Variants in OS9 observed in about 807,000 individuals in gnomAD.
OS9 encodes the protein OS9 endoplasmic reticulum lectin.
A neutral mutation model predicts 84.7 loss-of-function variants in OS9; 58 were observed. The observed-to-expected ratio is 0.68, with a 90% CI of 0.55 to 0.85. The LOEUF (loss-of-function observed/expected upper bound fraction) is 0.85. OS9 is among the 40% of genes least tolerant of loss of function. The pLI is 0.00. For missense variants in OS9, 760 were observed against 850.9 expected, an observed-to-expected ratio of 0.89 and a Z score of 1.33; for synonymous variants, 278 against 320.8, an observed-to-expected ratio of 0.87 and a Z score of 1.43.
At chr12:57,716,272 G>T (rs1334676969) in intron 7 of OS9, 79 bp downstream of exon 7, 23 of 763,790 alleles carry the variant, frequency 3.0e-5, no homozygotes, top group Non-Finnish European at 3.9e-5. Flanking sequence ...CTGACTGACT[G>T]GTGGGGTGGG....
chr12:57,715,061 A>G (rs942919129), intron 5 of OS9, among the ~76,000 whole-genome samples: 1 of 152,068 alleles, frequency 6.6e-6, no homozygotes. Context: ...ACAAATATAT[A>G]TACACTTTAA....
intron 5 of OS9, among the ~76,000 whole-genome samples, chr12:57,707,838 C>G (rs893420014): frequency 1.3e-5 from 2 of 151,810 alleles, no homozygotes; most frequent in Non-Finnish European, 2.9e-5. Flanking sequence ...GCCCTATAAT[C>G]CTAGCATTTT....
chr12:57,696,093 C>T (rs1197392773), intron 4 of OS9, 55 bp downstream of exon 4: 1 of 1,408,962 alleles, frequency 7.1e-7, no homozygotes, highest in Non-Finnish European at 1.0e-6. Context: ...GCTGAGAGCC[C>T]TGACAAGAAG....
At chr12:57,708,592 C>T (rs977677426) in intron 5 of OS9, among the ~76,000 whole-genome samples, 1 of 150,982 alleles carries the variant, frequency 6.6e-6, no homozygotes, top group East Asian at 1.9e-4. Flanking sequence ...CATACCATTG[C>T]ACTCCAGCCT....
chr12:57,703,762 ATT>A (rs34277509), intron 5 of OS9, among the ~76,000 whole-genome samples: 11,942 of 150,504 alleles, frequency 0.079, 518 homozygotes, highest in Non-Finnish European at 0.1. Context: ...GAATTTTAAG[ATT>A]TTTTTTTTTC....
At chr12:57,694,719 C>A in intron 1 of OS9, 31 bp from the exon 2 acceptor site, 1 of 1,610,594 alleles carries the variant, frequency 6.2e-7, no homozygotes, top group South Asian at 1.1e-5. Context: ...TTCTTTGCTT[C>A]CTTGCCCCCC....
In OS9 at chr12:57,721,184, T is replaced by C; in HGVS notation, c.*275T>C. On this transcript the variant is annotated 3_prime_UTR_variant, in exon 15 of 15. Transcript: ENST00000315970. ...TCCTCTGTGGCTTTTCCTGTTATTG[T>C]CCCCTAATGATAGGATATTCCCTGC... is the stretch of plus-strand genomic sequence containing the variant. The C allele has an allele frequency of 2.6e-6, 1 of 386,310 alleles. No individual in the cohort carries two copies. The highest frequency in any genetic ancestry group is 4.8e-6 in the Non-Finnish European group (1 of 207,240). The allele number at this position is 386,310 out of a possible 1,614,324, so 23.9% of individuals were successfully genotyped here. A position where few individuals can be genotyped will look rare whatever the true frequency, so the allele number is the denominator to read the frequency against.
At chr12:57,707,014 A>G (rs1954189733) in intron 5 of OS9, among the ~76,000 whole-genome samples, 1 of 152,126 alleles carries the variant, frequency 6.6e-6, no homozygotes, top group Non-Finnish European at 1.5e-5. Context: ...AATAAAGTAT[A>G]ATTTCATAGG....
chr12:57,712,958 C>T (rs1192566273), intron 5 of OS9, among the ~76,000 whole-genome samples: 2 of 152,092 alleles, frequency 1.3e-5, no homozygotes, highest in Non-Finnish European at 2.9e-5. Context: ...CAACTAATTG[C>T]TTTATTGTTT....
intron 5 of OS9, among the ~76,000 whole-genome samples, chr12:57,705,428 A>G (rs1954138016): frequency 6.6e-6 from 1 of 151,936 alleles, no homozygotes; most frequent in Non-Finnish European, 1.5e-5. Flanking sequence ...TAGATACCTT[A>G]TAGTTTTTAT....
intron 5 of OS9, among the ~76,000 whole-genome samples, chr12:57,709,423 C>A (rs2079521881): frequency 6.6e-6 from 1 of 152,120 alleles, no homozygotes; most frequent in African/African-American, 2.4e-5. Flanking sequence ...TAATATATTT[C>A]TAAACAAATG....
chr12:57,711,038 CAAAAAAAAAAAA>C (rs35365273), intron 5 of OS9, among the ~76,000 whole-genome samples: 1 of 71,916 alleles, frequency 1.4e-5, no homozygotes, highest in African/African-American at 5.3e-5. Context: ...GACTCCGTCT[CAAAAAAAAAAAA>C]AAAAAAAAAA....
chr12:57,713,718 A>G (rs906705745), intron 5 of OS9, among the ~76,000 whole-genome samples: 25 of 128,918 alleles, frequency 1.9e-4, no homozygotes, highest in Non-Finnish European at 3.9e-4. Flanking sequence ...TTTTTTTTTT[A>G]ACTACGCTTA....
chr12:57,719,445 A>G, intron 12 of OS9: 1 of 473,264 alleles, frequency 2.1e-6, no homozygotes, highest in African/African-American at 1.9e-5. Context: ...AGTGCCTAGC[A>G]CTCTGCCTGG....
intron 5 of OS9, among the ~76,000 whole-genome samples, chr12:57,709,997 C>T (rs893670332): frequency 6.6e-6 from 1 of 151,998 alleles, no homozygotes; most frequent in Admixed American, 6.6e-5. Context: ...GAATTATAGG[C>T]GTGTGCCACC....
Position 57,694,221 on chromosome 12 carries a change from A to C in OS9, c.60A>C (p.Leu20Phe). The change falls in exon 1 of 15, where the codon TTA (leucine) becomes TTC (phenylalanine). Residue 20 changes from leucine (L) to phenylalanine (F), a missense_variant. Transcript: ENST00000315970. Reference sequence around the variant, plus strand: ...GACTGCTGCTTCTGGGACTCCTGTTACCCGCAAGTCTGACCGGCGGTGTCG... The same window carrying C: ...GACTGCTGCTTCTGGGACTCCTGTTCCCCGCAAGTCTGACCGGCGGTGTCG... ...LLGLLLLGLL[L>F]PASLTGGVGS... 2.5e-6 allele frequency: 4 copies of C among 1,614,068 alleles called. No individual in the cohort carries two copies. In the South Asian group the frequency reaches 4.4e-5, roughly 18 times the overall value.
chr12:57,720,537 C>T lies in OS9; in HGVS notation c.1878+19C>T, dbSNP rs372652703. The T allele has an allele frequency of 2.3e-5, 35 of 1,537,344 alleles. No individual in the cohort carries two copies. Among genetic ancestry groups the T allele is most frequent in the African/African-American group, 1.5e-4 (11 of 73,406 alleles). ...TATCTTGGTAAGAGGCTTCTACCCC[C>T]GAGTCCTGGCCCCCAGCCCTCCTGG... On this transcript the variant is annotated intron_variant, in intron 14 of 14. Transcript: ENST00000315970.
chr12:57,710,461 G>C (rs547599612), intron 5 of OS9, among the ~76,000 whole-genome samples: 91 of 152,140 alleles, frequency 6.0e-4, no homozygotes, highest in African/African-American at 1.8e-3. Context: ...GCTCTGTTGA[G>C]CTTCTCTGTT....
chr12:57,697,317 T>C (rs1953877331), intron 5 of OS9, among the ~76,000 whole-genome samples: 1 of 152,210 alleles, frequency 6.6e-6, no homozygotes, highest in Non-Finnish European at 1.5e-5. Flanking sequence ...CTCTGTTCAG[T>C]CCTGAAAAAC....
Sources: allele counts gnomAD v4.1 joint callset (sites outside exome capture counted in the v4.1 genomes callset), GRCh38; gene constraint gnomAD v4.1.1; transcripts MANE v1.5; gene names NCBI Gene and HGNC (gene_info 2026-07-23, HGNC 2026-07-21).